CNBD1: variants seen among roughly 807,000 people sequenced by gnomAD.
CNBD1 encodes cyclic nucleotide binding domain containing 1.
CNBD1 carries 71 observed loss-of-function variants against 54.4 expected under a neutral mutation model. That is an observed-to-expected ratio of 1.30 (90% confidence interval 1.08 to 1.59). The LOEUF (loss-of-function observed/expected upper bound fraction) is 1.59, where lower values mean the gene tolerates loss of function less well. Ranked by LOEUF, CNBD1 falls within the 40% of genes most tolerant of loss-of-function variation. The probability of loss-of-function intolerance (pLI) is 0.00; values close to 1 mark genes in which losing one functional copy is unlikely to be tolerated. For missense variants in CNBD1, 659 were observed against 518.0 expected (o/e 1.27, Z -2.64); for synonymous variants, 182 against 170.7 (o/e 1.07, Z -0.51).
chr8:87,009,593 C>A (rs1004419150), intron 4 of CNBD1, among the ~76,000 whole-genome samples: 1 of 152,106 alleles, frequency 6.6e-6, no homozygotes, highest in Admixed American at 6.6e-5. Context: ...TGAGCCACCA[C>A]ACCTGGCCCC....
rs1413134986 is a variant in CNBD1, at chr8:87,042,448, T to C, written c.431+102694T>C. 2.6e-5 allele frequency among the ~76,000 whole-genome samples: 4 copies of C among 152,288 alleles called. No homozygotes were observed. In the East Asian group the frequency reaches 7.7e-4, roughly 29 times the overall value. ...GAACGGGGCTAAGTAATAAACTATA[T>C]ACAATGATGCTGTGAGTATGAATTG... On this transcript the variant is annotated intron_variant, in intron 4 of 10. Transcript: ENST00000518476.
At chr8:87,072,506 T>C (rs1368763128) in intron 4 of CNBD1, among the ~76,000 whole-genome samples, 3 of 152,330 alleles carry the variant, frequency 2.0e-5, no homozygotes, top group African/African-American at 4.8e-5. Context: ...GGCCTGGTGG[T>C]GAAGAATTTC....
chr8:87,324,143 G>C lies in CNBD1; in HGVS notation c.1043-27542G>C, dbSNP rs994843133. Among the ~76,000 whole-genome samples the C allele has an allele frequency of 8.0e-5, 10 of 124,388 alleles. 1 individual carries two copies. Among genetic ancestry groups the C allele is most frequent in the African/African-American group, 3.0e-4 (10 of 33,362 alleles). 81.6% of individuals were successfully genotyped at this position (124,388 alleles called of 152,430 possible). A position where few individuals can be genotyped will look rare whatever the true frequency, so the allele number is the denominator to read the frequency against. ...TATATTGAACCAGCCTTGCATCCCA[G>C]GGATGAAGCCCACTTGATCATGGTG... On this transcript the variant is annotated intron_variant, in intron 8 of 10. Transcript: ENST00000518476.
intron 4 of CNBD1, among the ~76,000 whole-genome samples, chr8:87,070,865 T>G (rs959700635): frequency 3.9e-5 from 6 of 152,068 alleles, no homozygotes; most frequent in Admixed American, 3.3e-4. Context: ...AGCCTTGATG[T>G]TTTCACCATA....
intron 4 of CNBD1, among the ~76,000 whole-genome samples, chr8:87,039,617 A>G (rs906107098): frequency 3.9e-5 from 6 of 152,218 alleles, no homozygotes; most frequent in Admixed American, 3.3e-4. Context: ...GATAGAGCCA[A>G]TTTATTGAGA....
chr8:87,424,981 T>C (rs1486069424), intron 2 of CNBD1, among the ~76,000 whole-genome samples: 1 of 152,144 alleles, frequency 6.6e-6, no homozygotes, highest in Non-Finnish European at 1.5e-5. Context: ...ATTTGGTCTT[T>C]TCACATAGTC....
chr8:87,309,245 T>A (rs1809216731), intron 8 of CNBD1, among the ~76,000 whole-genome samples: 1 of 152,178 alleles, frequency 6.6e-6, no homozygotes, highest in African/African-American at 2.4e-5. Context: ...TCATCAGCAT[T>A]TGTTAATTGT....
intron 4 of CNBD1, among the ~76,000 whole-genome samples, chr8:86,963,423 G>A (rs765824465): frequency 4.6e-5 from 7 of 152,102 alleles, no homozygotes; most frequent in Non-Finnish European, 8.8e-5. Context: ...CCATTCCAGG[G>A]CTTCAAACTG....
intron 4 of CNBD1, among the ~76,000 whole-genome samples, chr8:87,199,715 C>G (rs1310138256): frequency 6.6e-6 from 1 of 152,174 alleles, no homozygotes; most frequent in Non-Finnish European, 1.5e-5. Flanking sequence ...AGATTCCCCT[C>G]ATTTTAGAGC....
At chr8:87,248,027 C>T (rs984665003) in intron 6 of CNBD1, among the ~76,000 whole-genome samples, 2 of 152,154 alleles carry the variant, frequency 1.3e-5, no homozygotes, top group African/African-American at 2.4e-5. Flanking sequence ...GACCAATTTT[C>T]CTGATGTGTA....
At position 86,866,433 on chromosome 8, in the gene CNBD1, C is replaced by A; in HGVS notation, c.-63C>A. On this transcript the variant is annotated 5_prime_UTR_variant, in exon 1 of 11. Coordinates refer to ENST00000518476, the MANE Select transcript of CNBD1 (RefSeq NM_173538.3). ...AAGTTCTGCTTTATGAGCCTGCAGG[C>A]AAAGAGTGATCATTTGCCTCTCAAG... 8.3e-7 allele frequency: 1 copy of A among 1,200,100 alleles called. No individual in the cohort carries two copies. The highest frequency in any genetic ancestry group is 1.2e-6 in the Non-Finnish European group (1 of 823,230). The allele number at this position is 1,200,100 out of a possible 1,614,324, so 74.3% of individuals were successfully genotyped here. A position where few individuals can be genotyped will look rare whatever the true frequency, so the allele number is the denominator to read the frequency against.
intron 8 of CNBD1, among the ~76,000 whole-genome samples, chr8:87,315,333 G>T (rs1260933726): frequency 6.6e-6 from 1 of 151,872 alleles, no homozygotes; most frequent in Non-Finnish European, 1.5e-5. Flanking sequence ...CTGTTTGTTT[G>T]TGTTGCTAAA....
chr8:86,918,916 T>C (rs1283858904), intron 3 of CNBD1, among the ~76,000 whole-genome samples: 1 of 151,774 alleles, frequency 6.6e-6, no homozygotes, highest in Non-Finnish European at 1.5e-5. Context: ...CCTTTCTGAG[T>C]CTCCAATGAC....
chr8:87,344,310 T>A (rs1005596983), intron 8 of CNBD1, among the ~76,000 whole-genome samples: 2 of 151,832 alleles, frequency 1.3e-5, no homozygotes, highest in African/African-American at 2.4e-5. Flanking sequence ...TTCAGAATAA[T>A]CAAAAATACT....
At chr8:87,312,987 A>G (rs1174871345) in intron 8 of CNBD1, among the ~76,000 whole-genome samples, 3 of 152,010 alleles carry the variant, frequency 2.0e-5, no homozygotes, top group Non-Finnish European at 2.9e-5. Flanking sequence ...CGCAAACGAC[A>G]TACTCTAAGT....
chr8:87,037,981 G>T (rs909475729), intron 4 of CNBD1, among the ~76,000 whole-genome samples: 5 of 152,184 alleles, frequency 3.3e-5, no homozygotes, highest in African/African-American at 1.2e-4. Context: ...CTCCCATCTG[G>T]TGGTGGAATG....
chr8:86,873,471 A>C (rs1004295603), intron 1 of CNBD1, among the ~76,000 whole-genome samples: 1 of 151,844 alleles, frequency 6.6e-6, no homozygotes, highest in African/African-American at 2.4e-5. Flanking sequence ...GAGTCTTCCT[A>C]CTCAATAACT....
At chr8:87,282,078 G>C (rs1373869176) in intron 6 of CNBD1, among the ~76,000 whole-genome samples, 2 of 151,180 alleles carry the variant, frequency 1.3e-5, no homozygotes, top group African/African-American at 4.8e-5. Context: ...TGCCATTTTT[G>C]TAGGAAATAT....
chr8:87,374,566 C>G (rs1175314838), intron 10 of CNBD1, among the ~76,000 whole-genome samples: 1 of 151,822 alleles, frequency 6.6e-6, no homozygotes, highest in African/African-American at 2.4e-5. Context: ...GACTGAACAA[C>G]TCTCTCTTTT....
Sources: gnomAD v4.1 joint callset for allele counts (sites outside exome capture counted in the v4.1 genomes callset) on GRCh38, gnomAD v4.1.1 for gene constraint, MANE v1.5 for transcripts, NCBI Gene and HGNC (gene_info 2026-07-23, HGNC 2026-07-21) for gene names.